SPATA9: variants seen among roughly 807,000 people sequenced by gnomAD.
The protein encoded by SPATA9 is spermatogenesis-associated protein 9.
In SPATA9, 27 loss-of-function variants were observed where a neutral mutation model predicts 25.5. That is an observed-to-expected ratio of 1.06 (90% CI 0.78 to 1.46). The LOEUF is 1.46. SPATA9 is among the 40% of genes most tolerant of loss of function. The pLI is 0.00. For synonymous variants in SPATA9, 102 were observed against 105.7 expected (o/e 0.97, Z 0.21); for missense variants, 282 against 297.5 (o/e 0.95, Z 0.38).
chr5:95,663,691 G>A (rs1229451755), intron 4 of SPATA9, among the ~76,000 whole-genome samples: 1 of 151,984 alleles, frequency 6.6e-6, no homozygotes, highest in African/African-American at 2.4e-5. Flanking sequence ...CTAAATAACA[G>A]TAAAACTAAA....
At chr5:95,727,689 CA>C in the SPATA9 span, among the ~76,000 whole-genome samples, 1 of 151,956 alleles carries the variant, frequency 6.6e-6, no homozygotes, top group African/African-American at 2.4e-5. Context: ...ATACATAAAC[CA>C]AATAAAAATT....
the SPATA9 span, among the ~76,000 whole-genome samples, chr5:95,721,213 G>A: frequency 6.6e-6 from 1 of 152,186 alleles, no homozygotes; most frequent in Non-Finnish European, 1.5e-5. Context: ...CTTTTTTCAG[G>A]TATCTCTAAC....
chr5:95,701,617 T>C (rs1754180994), upstream of SPATA9, among the ~76,000 whole-genome samples: 2 of 151,902 alleles, frequency 1.3e-5, no homozygotes. Context: ...AATATTAAGC[T>C]AGTTGTCAAG....
upstream of SPATA9, among the ~76,000 whole-genome samples, chr5:95,699,254 C>T (rs1754119349): frequency 6.6e-6 from 1 of 152,214 alleles, no homozygotes; most frequent in Non-Finnish European, 1.5e-5. Context: ...ATTTGTAAAT[C>T]TCTTGGACCG....
Position 95,673,592 on chromosome 5 carries a change from A to G in SPATA9, c.378+1820T>C, listed in dbSNP as rs1369705075. Among the ~76,000 whole-genome samples the G allele has an allele frequency of 2.6e-5, 4 of 152,218 alleles. No individual in the cohort carries two copies. The East Asian group carries it at 5.8e-4, about 22-fold the overall frequency. The stretch of plus-strand genomic sequence containing the variant: ...TTCTTCAAAAGACATTTCTTCTGCC[A>G]ACCCTCTATAAAAAACTATAGGTTT... On this transcript the variant is annotated intron_variant, in intron 3 of 4. Coordinates refer to ENST00000274432, the MANE Select transcript of SPATA9 (RefSeq NM_031952.4).
At chr5:95,695,081 TC>T (rs1485628234) in intron 1 of SPATA9, among the ~76,000 whole-genome samples, 1 of 152,200 alleles carries the variant, frequency 6.6e-6, no homozygotes, top group Admixed American at 6.5e-5. Context: ...TTATACCACA[TC>T]TACTGTATAC....
At chr5:95,660,293 G>T (rs1460848796) in intron 4 of SPATA9, among the ~76,000 whole-genome samples, 1 of 152,074 alleles carries the variant, frequency 6.6e-6, no homozygotes, top group Non-Finnish European at 1.5e-5. Context: ...CATTCATGAG[G>T]ACTCTGCTCT....
At chr5:95,653,775 G>A (rs568683017), downstream of SPATA9, among the ~76,000 whole-genome samples, 2 of 152,254 alleles carry the variant, frequency 1.3e-5, no homozygotes, top group African/African-American at 4.8e-5. Flanking sequence ...GTGGGCTCCT[G>A]TAATCGCAGC....
At chr5:95,669,418 G>A (rs1050211946) in intron 3 of SPATA9, among the ~76,000 whole-genome samples, 8 of 152,142 alleles carry the variant, frequency 5.3e-5, no homozygotes, top group Non-Finnish European at 1.2e-4. Flanking sequence ...AGAGGGTGGG[G>A]TAAGGAAGAA....
At chr5:95,703,509 C>T (rs1181571999), upstream of SPATA9, among the ~76,000 whole-genome samples, 1 of 152,058 alleles carries the variant, frequency 6.6e-6, no homozygotes, top group African/African-American at 2.4e-5. Context: ...TGCCACACGC[C>T]AGTAGTCGCA....
upstream of SPATA9, among the ~76,000 whole-genome samples, chr5:95,702,405 G>GAC (rs1174534002): frequency 5.3e-5 from 8 of 152,152 alleles, no homozygotes; most frequent in African/African-American, 1.9e-4. Flanking sequence ...ACAACTCTGG[G>GAC]AGAGAGGCCT....
intron 4 of SPATA9, among the ~76,000 whole-genome samples, chr5:95,661,664 C>G (rs1401583510): frequency 6.6e-6 from 1 of 152,100 alleles, no homozygotes; most frequent in Non-Finnish European, 1.5e-5. Flanking sequence ...TTGAGCACTT[C>G]TTGAAAATTT....
chr5:95,653,133 C>A, exon 9 of SPATA9: 1 of 1,551,670 alleles, frequency 6.4e-7, no homozygotes, highest in Non-Finnish European at 8.7e-7. Flanking sequence ...ATTCTCTTCC[C>A]CAAGCTGTTG....
chr5:95,695,157 T>C (rs140580610), intron 1 of SPATA9, among the ~76,000 whole-genome samples: 34 of 152,332 alleles, frequency 2.2e-4, no homozygotes, highest in Admixed American at 4.6e-4. Flanking sequence ...CTATTATAAA[T>C]ACTATTTTGT....
chr5:95,702,147 C>T (rs1028236676), upstream of SPATA9, among the ~76,000 whole-genome samples: 3 of 151,998 alleles, frequency 2.0e-5, no homozygotes, highest in Non-Finnish European at 4.4e-5. Flanking sequence ...AAAAAGCCTT[C>T]TCACTAAGAG....
chr5:95,655,945 T>C, downstream of SPATA9: 2 of 1,082,820 alleles, frequency 1.8e-6, no homozygotes, highest in East Asian at 2.5e-5. Flanking sequence ...AAAGAAAAGC[T>C]AACCTGTTTT....
chr5:95,698,206 AT>A (rs1387171756), intron 1 of SPATA9, among the ~76,000 whole-genome samples: 7 of 152,234 alleles, frequency 4.6e-5, no homozygotes, highest in African/African-American at 1.7e-4. Flanking sequence ...GTGCACTGCG[AT>A]CAGATGGGAA....
chr5:95,684,555 T>C (rs1339792214), upstream of SPATA9: 1 of 152,264 alleles, frequency 6.6e-6, no homozygotes, highest in African/African-American at 2.4e-5. Context: ...CAACTCTTTG[T>C]GTTTGCTAAC....
At chr5:95,714,787 T>C in the SPATA9 span, among the ~76,000 whole-genome samples, 2 of 147,286 alleles carry the variant, frequency 1.4e-5, no homozygotes, top group Non-Finnish European at 3.0e-5. Context: ...AAGAAAGAGG[T>C]AGATGATGAA....
Sources: allele counts gnomAD v4.1 joint callset (sites outside exome capture counted in the v4.1 genomes callset), GRCh38; gene constraint gnomAD v4.1.1; transcripts MANE v1.5; gene names NCBI Gene and HGNC (gene_info 2026-07-23, HGNC 2026-07-21).